The following DNAH5 variants were observed in gnomAD, a reference collection of about 807,000 sequenced individuals.
DNAH5 encodes dynein axonemal heavy chain 5.
DNAH5 carries 372 observed loss-of-function variants against 518.2 expected under a neutral mutation model. The observed-to-expected ratio is 0.72, with a 90% CI of 0.66 to 0.78. The LOEUF is 0.78. Among genes scored for constraint, DNAH5 ranks in the 30% least tolerant of loss-of-function variants. The pLI, the probability that DNAH5 is intolerant of heterozygous loss-of-function variation, is 0.00. For synonymous variants in DNAH5, 2,039 were observed against 2,025.9 expected (o/e 1.01, Z -0.17); for missense variants, 5,523 against 5,687.0 (o/e 0.97, Z 0.93).
In DNAH5 at chr5:13,876,563, G is replaced by C. The variant is rs532668902; in HGVS notation, c.3396+121C>G. On this transcript the variant is annotated intron_variant, in intron 22 of 78. Transcript: ENST00000265104. ...AACATTTGCTGAGCACATACAAGAT[G>C]CTCCCTGAAAGCACAGTGTGTGAGA... The C allele has an allele frequency of 4.9e-5, 58 of 1,171,750 alleles. No homozygotes were observed. The South Asian group carries it at 5.2e-4, about 10-fold the overall frequency. 72.6% of individuals were successfully genotyped at this position (1,171,750 alleles called of 1,614,324 possible). A position where few individuals can be genotyped will look rare whatever the true frequency, so the allele number is the denominator to read the frequency against.
chr5:13,807,663 T>C lies in DNAH5; in HGVS notation c.7815A>G (p.Ser2605=), dbSNP rs1293698277. 1 of 1,611,610 alleles carries C rather than the reference T, an allele frequency of 6.2e-7. No homozygotes were observed. The highest frequency in any genetic ancestry group is 8.5e-7 in the Non-Finnish European group (1 of 1,178,340). The part of the protein sequence containing the change: ...AKTVIIKGFM[S]KYDPECHMIK... Reference sequence around the variant, plus strand: ...TCATGTGACATTCAGGATCATATTTTGACATAAATCCTTTAATTATTACTG... The same window carrying C: ...TCATGTGACATTCAGGATCATATTTCGACATAAATCCTTTAATTATTACTG... Residue 2605 remains serine (S), a synonymous_variant, in exon 47 of 79, where the codon TCA becomes TCG. Coordinates refer to ENST00000265104, the MANE Select transcript of DNAH5 (RefSeq NM_001369.3).
chr5:13,757,510 A>G (rs1037496637), intron 61 of DNAH5, among the ~76,000 whole-genome samples: 10 of 152,140 alleles, frequency 6.6e-5, no homozygotes, highest in Non-Finnish European at 1.0e-4. Context: ...CTTTTTTTGA[A>G]AAGTGTCTGT....
chr5:13,894,446 G>T (rs371852321), intron 16 of DNAH5, among the ~76,000 whole-genome samples: 1 of 152,082 alleles, frequency 6.6e-6, no homozygotes. Flanking sequence ...GTTAATCTCT[G>T]GGGATAAAAT....
rs267600362 is a variant in DNAH5, at chr5:13,786,298, C to T, written c.8701G>A (p.Glu2901Lys). The T allele has an allele frequency of 6.2e-7, 1 of 1,614,082 alleles. No individual in the cohort carries two copies. Among genetic ancestry groups the T allele is most frequent in the East Asian group, 2.2e-5 (1 of 44,874 alleles). ...AETPKIYEPIESFSHLKERLN... is the reference protein window; with the variant it reads ...AETPKIYEPIKSFSHLKERLN... The stretch of plus-strand genomic sequence containing the variant: ...CGCTCTTTTAGGTGACTAAAAGATT[C>T]AATTGGCTCATAAATTTTAGGTGTT... The change falls in exon 52 of 79, where the codon GAA (glutamate) becomes AAA (lysine). Residue 2901 changes from glutamate (E) to lysine (K), a missense_variant. Glu to Lys is a moderately conservative substitution (Grantham distance 56, BLOSUM62 1). Coordinates refer to ENST00000265104, the MANE Select transcript of DNAH5 (RefSeq NM_001369.3).
chr5:13,970,502 T>C (rs935485791), intron 1 of DNAH5, among the ~76,000 whole-genome samples: 2 of 151,780 alleles, frequency 1.3e-5, no homozygotes, highest in African/African-American at 2.4e-5. Flanking sequence ...TGGTGAATTA[T>C]GAGCATTTGT....
At chr5:13,977,656 G>A (rs529776454) in intron 1 of DNAH5, among the ~76,000 whole-genome samples, 6 of 151,970 alleles carry the variant, frequency 3.9e-5, no homozygotes, top group Non-Finnish European at 7.4e-5. Flanking sequence ...CAATTTCTCC[G>A]TCGAAGGCGG....
At chr5:13,790,281 A>T (rs975024351) in intron 50 of DNAH5, among the ~76,000 whole-genome samples, 3 of 152,238 alleles carry the variant, frequency 2.0e-5, no homozygotes, top group African/African-American at 7.2e-5. Flanking sequence ...ACAATAGCAA[A>T]GACACAGAAT....
At chr5:13,788,564 C>T (rs1756452973) in intron 51 of DNAH5, 152 bp downstream of exon 51, 1 of 680,508 alleles carries the variant, frequency 1.5e-6, no homozygotes, top group Non-Finnish European at 2.6e-6. Flanking sequence ...TTCACTCATC[C>T]TAGTTTTATT....
intron 38 of DNAH5, among the ~76,000 whole-genome samples, chr5:13,827,245 G>A (rs1762996169): frequency 6.6e-6 from 1 of 152,146 alleles, no homozygotes; most frequent in African/African-American, 2.4e-5. Flanking sequence ...ACCATTTTCT[G>A]AGGAGAAATT....
At chr5:13,970,974 T>C (rs1781822045) in intron 1 of DNAH5, among the ~76,000 whole-genome samples, 1 of 152,150 alleles carries the variant, frequency 6.6e-6, no homozygotes. Flanking sequence ...GGAGGCTTTG[T>C]TCATTTTTTT....
chr5:13,761,576 G>C (rs1346102737), intron 60 of DNAH5, among the ~76,000 whole-genome samples: 2 of 134,828 alleles, frequency 1.5e-5, no homozygotes, highest in African/African-American at 5.9e-5. Context: ...CTGGGTGACA[G>C]AGAAAGACTC....
At chr5:13,955,483 C>T (rs114695491) in intron 1 of DNAH5, among the ~76,000 whole-genome samples, 6,892 of 152,180 alleles carry the variant, frequency 0.045, 207 homozygotes, top group African/African-American at 0.076. Flanking sequence ...GTGTCCAGCT[C>T]ATTACATAAT....
At chr5:13,808,418 C>T (rs1375109571) in intron 46 of DNAH5, among the ~76,000 whole-genome samples, 1 of 152,072 alleles carries the variant, frequency 6.6e-6, no homozygotes, top group Admixed American at 6.5e-5. Flanking sequence ...TTTAGGCCAC[C>T]TAGGCTGCGG....
chr5:13,908,168 T>G (rs1199390747), intron 12 of DNAH5, among the ~76,000 whole-genome samples: 1 of 152,180 alleles, frequency 6.6e-6, no homozygotes, highest in Admixed American at 6.5e-5. Context: ...CTCAATAGTT[T>G]CAGCTACTTC....
chr5:13,804,113 G>A (rs1278016644), intron 47 of DNAH5, among the ~76,000 whole-genome samples: 9 of 151,740 alleles, frequency 5.9e-5, no homozygotes, highest in Admixed American at 1.3e-4. Context: ...ATATTAGTTC[G>A]GGGGGAAAAA....
At chr5:13,876,932 A>G in intron 21 of DNAH5, 115 bp from the exon 22 acceptor site, 2 of 1,050,286 alleles carry the variant, frequency 1.9e-6, no homozygotes, top group Non-Finnish European at 1.4e-6. Context: ...CTTCTCCTTT[A>G]TAAAAACAAT....
At chr5:13,957,911 C>A in intron 1 of DNAH5, among the ~76,000 whole-genome samples, 1 of 151,442 alleles carries the variant, frequency 6.6e-6, no homozygotes, top group East Asian at 1.9e-4. Flanking sequence ...TCTTCTACTC[C>A]ATGAGCAATA....
chr5:13,978,610 T>C (rs1275004730), intron 1 of DNAH5, among the ~76,000 whole-genome samples: 1 of 152,242 alleles, frequency 6.6e-6, no homozygotes, highest in African/African-American at 2.4e-5. Flanking sequence ...ATGTTTACCA[T>C]GCCTTTTCTA....
Position 14,004,194 on chromosome 5 carries a change from C to G in DNAH5, c.12+7454G>C, listed in dbSNP as rs1008239423. 2.0e-5 allele frequency among the ~76,000 whole-genome samples: 3 copies of G among 152,302 alleles called. No individual in the cohort carries two copies. The Middle Eastern group carries it at 0.01, about 518-fold the overall frequency. On this transcript the variant is annotated intron_variant, in intron 1 of 78. Transcript: ENST00000681290. ...TTATTGTGAAACAGGGCCACCAAAT[C>G]TAGGTCAAGAGTCCCCCTGGCCCAG...
Sources: gnomAD v4.1 joint callset for allele counts (sites outside exome capture counted in the v4.1 genomes callset) on GRCh38, gnomAD v4.1.1 for gene constraint, MANE v1.5 for transcripts, NCBI Gene and HGNC (gene_info 2026-07-23, HGNC 2026-07-21) for gene names.